ZNF488: variants seen among roughly 807,000 people sequenced by gnomAD.
ZNF488 encodes the protein zinc finger protein 488.
Under a neutral mutation model 1.2 loss-of-function variants are expected in ZNF488, and 1 was observed. The ratio of observed to expected loss-of-function variants is 0.86; its 90% CI spans 0.30 to 4.07. The LOEUF (loss-of-function observed/expected upper bound fraction) is 4.07, where lower values mean the gene tolerates loss of function less well. Ranked by LOEUF, ZNF488 falls within the 30% of genes most tolerant of loss-of-function variation. ZNF488 has a pLI of 0.18. For missense variants in ZNF488, 450 were observed against 437.9 expected, an observed-to-expected ratio of 1.03 and a Z score of -0.25; for synonymous variants, 185 against 190.1, an observed-to-expected ratio of 0.97 and a Z score of 0.22.
chr10:47,369,962 G>C (rs560691694), intron 1 of ZNF488, among the ~76,000 whole-genome samples: 21 of 152,342 alleles, frequency 1.4e-4, no homozygotes, highest in African/African-American at 4.6e-4. Flanking sequence ...CAGGACAGGA[G>C]CTCAGGAAGC....
At position 47,365,782 on chromosome 10, in the gene ZNF488, T is replaced by C. The variant is rs534480583; in HGVS notation, c.*2025A>G. 1.0e-4 allele frequency: 17 copies of C among 167,214 alleles called. No homozygotes were observed. The highest frequency in any genetic ancestry group is 3.8e-4 in the African/African-American group (16 of 41,570). 10.4% of individuals were successfully genotyped at this position (167,214 alleles called of 1,614,324 possible). A position where few individuals can be genotyped will look rare whatever the true frequency, so the allele number is the denominator to read the frequency against. ...TGCGAGAAGAAGCCCTGTGGAACCA[T>C]AGCAGGAGCAGCACCATGAAGAGCT... is the stretch of plus-strand genomic sequence containing the variant. On this transcript the variant is annotated 3_prime_UTR_variant, in exon 2 of 2. Coordinates refer to ENST00000585316, the MANE Select transcript of ZNF488 (RefSeq NM_153034.4).
In ZNF488 at chr10:47,367,864, G is replaced by A; in HGVS notation, c.966C>T (p.Cys322=). 6.2e-7 allele frequency: 1 copy of A among 1,613,812 alleles called. No homozygotes were observed. The highest frequency in any genetic ancestry group is 8.5e-7 in the Non-Finnish European group (1 of 1,180,000). The change falls in exon 2 of 2, where the codon TGC becomes TGT. Residue 322 remains cysteine, a synonymous_variant. Transcript: ENST00000585316. ...RREEALACPV[C]QEHFRERHHL... ...GGTGGCGCTCCCGGAAGTGCTCCTG[G>A]CACACAGGGCAGGCAAGGGCCTCTT...
chr10:47,378,007 C>T (rs566419975), intron 1 of ZNF488, among the ~76,000 whole-genome samples: 87 of 152,248 alleles, frequency 5.7e-4, no homozygotes, highest in Non-Finnish European at 1.0e-4. Flanking sequence ...GCAGGCTTGG[C>T]AGGATGGGTC....
intron 1 of ZNF488, among the ~76,000 whole-genome samples, chr10:47,369,153 C>G (rs1004869229): frequency 3.8e-4 from 58 of 152,344 alleles, no homozygotes; most frequent in African/African-American, 1.4e-3. Flanking sequence ...ACTGAGGTCT[C>G]TGCTGAAAAT....
Position 47,368,040 on chromosome 10 carries a change from G to C in ZNF488, c.790C>G (p.Pro264Ala), listed in dbSNP as rs1555213106. 3 of 1,613,968 alleles carry C rather than the reference G, an allele frequency of 1.9e-6. No individual in the cohort carries two copies. The highest frequency in any genetic ancestry group is 1.7e-5 in the Admixed American group (1 of 60,010). The change falls in exon 2 of 2, where the codon CCC becomes GCC. Residue 264 changes from proline (P) to alanine (A), a missense_variant. Transcript: ENST00000585316. ...GACAAGCCCAGGGAGGTGAGGGTGG[G>C]TGGCAGGAGGGCCCACGAAGTGGTG... ...SSTTSWALLP[P>A]TLTSLGLSTQ...
At chr10:47,369,833 C>T (rs1424441355) in intron 1 of ZNF488, among the ~76,000 whole-genome samples, 3 of 152,308 alleles carry the variant, frequency 2.0e-5, no homozygotes, top group Non-Finnish European at 4.4e-5. Flanking sequence ...GCACCAAAGG[C>T]CTGCATGCAC....
intron 1 of ZNF488, among the ~76,000 whole-genome samples, chr10:47,378,494 G>C (rs1837782195): frequency 6.6e-6 from 1 of 152,158 alleles, no homozygotes; most frequent in Non-Finnish European, 1.5e-5. Context: ...TTATCCCAGG[G>C]CTCAGGGAGA....
At chr10:47,383,291 G>T (rs1993493) in intron 1 of ZNF488, among the ~76,000 whole-genome samples, 49,943 of 151,724 alleles carry the variant, frequency 0.33, 8,437 homozygotes, top group East Asian at 0.51. Flanking sequence ...GTACATCAGT[G>T]GCATTGGCAA....
intron 1 of ZNF488, among the ~76,000 whole-genome samples, chr10:47,383,510 G>A (rs1838062946): frequency 6.6e-6 from 1 of 152,188 alleles, no homozygotes; most frequent in Non-Finnish European, 1.5e-5. Context: ...TTCCTGCTGT[G>A]CTGTCTGTGT....
At chr10:47,374,455 G>A (rs1555214192) in intron 1 of ZNF488, among the ~76,000 whole-genome samples, 5 of 152,132 alleles carry the variant, frequency 3.3e-5, no homozygotes, top group African/African-American at 1.2e-4. Flanking sequence ...GCAGATCCCT[G>A]GTTACCTTGA....
Position 47,368,363 on chromosome 10 carries a change from C to T in ZNF488, c.467G>A (p.Arg156Gln), listed in dbSNP as rs536291384. The change falls in exon 2 of 2, where the codon CGA becomes CAA. Residue 156 changes from arginine to glutamine, a missense_variant. Transcript: ENST00000585316. Reference protein sequence around the residue: ...KVFSVWPSGARSEQRSAFSKP... With the variant: ...KVFSVWPSGAQSEQRSAFSKP... Reference sequence around the variant, plus strand: ...GCTAAAGGCGCTTCTTTGCTCACTTCGTGCTCCGCTGGGCCACACAGAGAA... The same window carrying T: ...GCTAAAGGCGCTTCTTTGCTCACTTTGTGCTCCGCTGGGCCACACAGAGAA... The T allele has an allele frequency of 1.7e-5, 27 of 1,614,184 alleles. 1 individual carries two copies. In the South Asian group the frequency reaches 1.9e-4, roughly 11 times the overall value.
Position 47,368,490 on chromosome 10 carries a change from C to T in ZNF488, c.340G>A (p.Asp114Asn). 1 of 1,613,734 alleles carries T rather than the reference C, an allele frequency of 6.2e-7. No individual in the cohort carries two copies. The highest frequency in any genetic ancestry group is 8.5e-7 in the Non-Finnish European group (1 of 1,179,944). ...TGCTCCCTCTCCTGGGCCTGAGCATCCACCTGCCGGTCCTTCATCCTCGGC... is the reference window on the plus strand; with the variant it reads ...TGCTCCCTCTCCTGGGCCTGAGCATTCACCTGCCGGTCCTTCATCCTCGGC... ...ELPRMKDRQV[D>N]AQAQEREHDD... The change falls in exon 2 of 2, where the codon GAT (aspartate) becomes AAT (asparagine). Residue 114 changes from aspartate to asparagine, a missense_variant. Coordinates refer to ENST00000585316, the MANE Select transcript of ZNF488 (RefSeq NM_153034.4).
In ZNF488 at chr10:47,368,567, G is replaced by A. The variant is rs140711392; in HGVS notation, c.263C>T (p.Pro88Leu). ...CTCTCCACGTGTCTTCGGGGGCAGC[G>A]GCTTGCCAGGTCGGGGCTTGCCTGG... ...VAPGKPRPGKPLPPKTRGEQR... is the reference protein window; with the variant it reads ...VAPGKPRPGKLLPPKTRGEQR... The change falls in exon 2 of 2, where the codon CCG becomes CTG. Residue 88 changes from proline to leucine, a missense_variant. Coordinates refer to ENST00000585316, the MANE Select transcript of ZNF488 (RefSeq NM_153034.4). 1.1e-4 allele frequency: 176 copies of A among 1,612,308 alleles called. No individual in the cohort carries two copies. Among genetic ancestry groups the A allele is most frequent in the Middle Eastern group, 3.3e-4 (2 of 6,058 alleles).
Position 47,367,975 on chromosome 10 carries a change from G to A in ZNF488, c.855C>T (p.Arg285=). 6.2e-7 allele frequency: 1 copy of A among 1,614,122 alleles called. No individual in the cohort carries two copies. Among genetic ancestry groups the A allele is most frequent in the Non-Finnish European group, 8.5e-7 (1 of 1,180,022 alleles). Residue 285 remains arginine (R), a synonymous_variant, in exon 2 of 2, where the codon CGC becomes CGT. Transcript: ENST00000585316. The part of the protein sequence containing the change: ...NWCAKCNLSF[R]LTSDLVFHMR... ...TGTGAAAGACCAGGTCGGACGTTAG[G>A]CGAAAGGACAGGTTGCACTTTGCAC...
chr10:47,368,767 C>T lies in ZNF488; in HGVS notation c.63G>A (p.Gly21=), dbSNP rs11204210. Residue 21 remains glycine, a synonymous_variant, in exon 2 of 2, where the codon GGG becomes GGA. Coordinates refer to ENST00000585316, the MANE Select transcript of ZNF488 (RefSeq NM_153034.4). ...CCGATGGGCTCAACGGGGCTCCCTTCCCAGCTGCCATGGTGATCACCAGGG... is the reference window on the plus strand; with the variant it reads ...CCGATGGGCTCAACGGGGCTCCCTTTCCAGCTGCCATGGTGATCACCAGGG... ...APALVITMAA[G]KGAPLSPSAE... 538,869 of 1,611,982 alleles carry T rather than the reference C, an allele frequency of 0.33. 91,649 individuals carry two copies. Among genetic ancestry groups the T allele is most frequent in the East Asian group, 0.48 (21,636 of 44,860 alleles).
chr10:47,378,218 A>G (rs1384113062), intron 1 of ZNF488, among the ~76,000 whole-genome samples: 2 of 152,208 alleles, frequency 1.3e-5, no homozygotes, highest in Admixed American at 6.5e-5. Context: ...CTGGACCTCC[A>G]TGGATGGACC....
intron 1 of ZNF488, among the ~76,000 whole-genome samples, chr10:47,375,644 G>C (rs1837652246): frequency 6.6e-6 from 1 of 152,364 alleles, no homozygotes; most frequent in African/African-American, 2.4e-5. Context: ...TAGGAAAGAA[G>C]TTATTTAGAT....
Position 47,373,001 on chromosome 10 carries a change from A to G in ZNF488, c.-108-4064T>C, listed in dbSNP as rs79957850. Among the ~76,000 whole-genome samples, 194 of 152,296 alleles carry G rather than the reference A, an allele frequency of 1.3e-3. 3 individuals are homozygous for G. The East Asian group carries it at 0.034, about 27-fold the overall frequency. On this transcript the variant is annotated intron_variant, in intron 1 of 1. Coordinates refer to ENST00000585316, the MANE Select transcript of ZNF488 (RefSeq NM_153034.4). ...ACAGATGTGAGGAAGGAAGGAAGCC[A>G]CACCTATGGCAGACTGAGCTCTGTG...
Position 47,368,945 on chromosome 10 carries a change from G to C in ZNF488, c.-108-8C>G. ...ACACTCGGCCACAGGGCCCTGCAGA[G>C]AGAGGAAGCGACAGGCAGTGAGATG... On this transcript the variant is annotated splice_region_variant and splice_polypyrimidine_tract_variant and intron_variant, in intron 1 of 1. Transcript: ENST00000585316. 7.9e-7 allele frequency: 1 copy of C among 1,266,504 alleles called. No individual in the cohort carries two copies. Among genetic ancestry groups the C allele is most frequent in the Non-Finnish European group, 1.1e-6 (1 of 919,942 alleles). 78.5% of individuals were successfully genotyped at this position (1,266,504 alleles called of 1,614,324 possible). A position where few individuals can be genotyped will look rare whatever the true frequency, so the allele number is the denominator to read the frequency against.
Sources: gnomAD v4.1 joint callset for allele counts (sites outside exome capture counted in the v4.1 genomes callset) on GRCh38, gnomAD v4.1.1 for gene constraint, MANE v1.5 for transcripts, NCBI Gene and HGNC (gene_info 2026-07-23, HGNC 2026-07-21) for gene names.